CCNY: variants seen among roughly 807,000 people sequenced by gnomAD.
CCNY encodes the protein cyclin-Y.
A neutral mutation model predicts 42.8 loss-of-function variants in CCNY; 19 were observed. The observed-to-expected ratio is 0.44, with a 90% confidence interval of 0.31 to 0.65. The LOEUF (loss-of-function observed/expected upper bound fraction) is 0.65, where lower values mean the gene tolerates loss of function less well. Among genes scored for constraint, CCNY ranks in the 30% least tolerant of loss-of-function variants. The pLI is 0.07. For synonymous variants in CCNY, 165 were observed against 162.7 expected (o/e 1.01, Z -0.11); for missense variants, 370 against 437.3 (o/e 0.85, Z 1.37).
intron 3 of CCNY, 126 bp from the exon 4 acceptor site, chr10:35,516,397 T>G: frequency 1.4e-6 from 1 of 691,476 alleles, no homozygotes; most frequent in South Asian, 1.6e-5. Flanking sequence ...TTGGTGGTAA[T>G]GTTGACATTT....
chr10:35,273,501 G>A (rs140338110), intron 3 of CCNY, among the ~76,000 whole-genome samples: 1,642 of 152,012 alleles, frequency 0.011, 47 homozygotes, highest in South Asian at 0.1. Context: ...CACTGTGGCC[G>A]GCGATCCTCC....
At chr10:35,469,732 A>G (rs1353020777) in intron 1 of CCNY, among the ~76,000 whole-genome samples, 1 of 151,462 alleles carries the variant, frequency 6.6e-6, no homozygotes, top group Non-Finnish European at 1.5e-5. Context: ...AGGGAGATGG[A>G]GAGACAGGGA....
chr10:35,261,483 C>T (rs570226436), intron 3 of CCNY, among the ~76,000 whole-genome samples: 64 of 151,842 alleles, frequency 4.2e-4, no homozygotes, highest in Non-Finnish European at 6.8e-4. Context: ...GGTGATCTGC[C>T]CACCTTGGCC....
intron 7 of CCNY, among the ~76,000 whole-genome samples, chr10:35,540,524 ATAG>A (rs1379914603): frequency 6.6e-6 from 1 of 151,672 alleles, no homozygotes; most frequent in Non-Finnish European, 1.5e-5. Flanking sequence ...TATCAGGGTA[ATAG>A]TAGCCTCATA....
rs763722293 is a variant in CCNY, at chr10:35,534,974, CAT to C, written c.579+4743_579+4744del. On this transcript the variant is annotated intron_variant, in intron 7 of 9. Coordinates refer to ENST00000374704, the MANE Select transcript of CCNY (RefSeq NM_145012.6). Reference sequence around the variant, plus strand: ...ATACATACACACACACACACACACACATATATATATATAGATCTATATATATG... The same window carrying C: ...ATACATACACACACACACACACACACATATATATATAGATCTATATATATG... Among the ~76,000 whole-genome samples the C allele has an allele frequency of 6.1e-3, 822 of 134,746 alleles. 9 individuals are homozygous for C. The highest frequency in any genetic ancestry group is 0.02 in the African/African-American group (708 of 35,346). The allele number at this position is 134,746 out of a possible 152,430, so 88.4% of individuals were successfully genotyped here.
intron 1 of CCNY, among the ~76,000 whole-genome samples, chr10:35,370,967 G>A (rs1156420068): frequency 1.3e-5 from 2 of 152,080 alleles, no homozygotes; most frequent in Non-Finnish European, 2.9e-5. Flanking sequence ...CGTCCGCCTC[G>A]GCCTCTCAAA....
chr10:35,544,366 CCA>C, intron 7 of CCNY, among the ~76,000 whole-genome samples: 1 of 152,130 alleles, frequency 6.6e-6, no homozygotes, highest in Non-Finnish European at 1.5e-5. Context: ...GTTCCAGTTA[CCA>C]ACAATATTCA....
intron 1 of CCNY, among the ~76,000 whole-genome samples, chr10:35,445,432 G>T (rs1208936690): frequency 6.6e-6 from 1 of 152,222 alleles, no homozygotes; most frequent in Non-Finnish European, 1.5e-5. Context: ...TAGGGGAAGA[G>T]ACTGCATGGA....
At chr10:35,435,715 C>G (rs1838515084) in intron 1 of CCNY, among the ~76,000 whole-genome samples, 1 of 152,166 alleles carries the variant, frequency 6.6e-6, no homozygotes, top group African/African-American at 2.4e-5. Context: ...TTGGTACAAT[C>G]AGAAGCTTTT....
Position 35,338,636 on chromosome 10 carries a change from G to T in CCNY, c.154+1429G>T, listed in dbSNP as rs114880782. ...AAACAGTAAGTATTGTACTTTAAAG[G>T]GAGGAATAAATGAATGAGTTTATTA... On this transcript the variant is annotated intron_variant, in intron 1 of 9. Transcript: ENST00000374704. 2.2e-3 allele frequency among the ~76,000 whole-genome samples: 334 copies of T among 152,212 alleles called. 1 individual carries two copies. The highest frequency in any genetic ancestry group is 7.7e-3 in the African/African-American group (318 of 41,516).
intron 7 of CCNY, among the ~76,000 whole-genome samples, chr10:35,545,790 A>G (rs576072630): frequency 1.3e-5 from 2 of 152,328 alleles, no homozygotes; most frequent in East Asian, 1.9e-4. Flanking sequence ...ATTATACTTT[A>G]TATTAATTTA....
intron 3 of CCNY, among the ~76,000 whole-genome samples, chr10:35,504,171 T>A (rs1016260706): frequency 6.6e-6 from 1 of 152,200 alleles, no homozygotes; most frequent in Non-Finnish European, 1.5e-5. Context: ...TTAAGAGAAA[T>A]GAATACAGTT....
intron 1 of CCNY, among the ~76,000 whole-genome samples, chr10:35,398,425 AT>A (rs768523106): frequency 6.6e-6 from 1 of 152,190 alleles, no homozygotes; most frequent in Non-Finnish European, 1.5e-5. Context: ...GCCTGTGCTA[AT>A]CCTCTCAGGT....
intron 3 of CCNY, among the ~76,000 whole-genome samples, chr10:35,270,039 C>A (rs1317952029): frequency 6.6e-6 from 1 of 152,134 alleles, no homozygotes; most frequent in Non-Finnish European, 1.5e-5. Flanking sequence ...TTCCTCATTT[C>A]CACCTAAGAC....
upstream of CCNY, among the ~76,000 whole-genome samples, chr10:35,335,215 C>G (rs997110358): frequency 2.0e-5 from 3 of 151,950 alleles, no homozygotes; most frequent in African/African-American, 7.3e-5. Context: ...GGAGGGAATG[C>G]GAACCAACAT....
At chr10:35,283,891 C>T (rs903538664) in intron 3 of CCNY, among the ~76,000 whole-genome samples, 1 of 152,070 alleles carries the variant, frequency 6.6e-6, no homozygotes, top group Non-Finnish European at 1.5e-5. Context: ...CGAGACCAGC[C>T]TAGCCAACAG....
intron 1 of CCNY, among the ~76,000 whole-genome samples, chr10:35,364,361 TA>T (rs1836765348): frequency 6.6e-6 from 1 of 152,224 alleles, no homozygotes; most frequent in African/African-American, 2.4e-5. Flanking sequence ...TGGTCTACAT[TA>T]ACACCAATAA....
chr10:35,352,539 T>G (rs750006339), intron 1 of CCNY, among the ~76,000 whole-genome samples: 5 of 152,208 alleles, frequency 3.3e-5, no homozygotes, highest in Non-Finnish European at 5.9e-5. Flanking sequence ...TGATGTCCCC[T>G]GTGGGAATTC....
intron 8 of CCNY, among the ~76,000 whole-genome samples, chr10:35,561,166 CCTT>C (rs1841458437): frequency 6.6e-6 from 1 of 152,120 alleles, no homozygotes; most frequent in Non-Finnish European, 1.5e-5. Flanking sequence ...AGGAGCTTGT[CCTT>C]CTTGGCACGC....
Sources: allele counts gnomAD v4.1 joint callset (sites outside exome capture counted in the v4.1 genomes callset), GRCh38; gene constraint gnomAD v4.1.1; transcripts MANE v1.5; gene names NCBI Gene and HGNC (gene_info 2026-07-23, HGNC 2026-07-21).